CACNA1H: variants seen among roughly 807,000 people sequenced by gnomAD.
CACNA1H encodes the protein voltage-dependent T-type calcium channel subunit alpha-1H.
CACNA1H carries 149 observed loss-of-function variants against 192.5 expected under a neutral mutation model. That is an observed-to-expected ratio of 0.77 (90% CI 0.68 to 0.89). The LOEUF (loss-of-function observed/expected upper bound fraction) is 0.89, where lower values mean the gene tolerates loss of function less well. CACNA1H is among the 40% of genes least tolerant of loss of function. The pLI, the probability that CACNA1H is intolerant of heterozygous loss-of-function variation, is 0.00. For synonymous variants in CACNA1H, 2,202 were observed against 1,475.2 expected (o/e 1.49, Z -11.29); for missense variants, 4,257 against 3,423.5 (o/e 1.24, Z -6.08).
At chr16:1,193,045 C>T (rs1033266271) in intron 2 of CACNA1H, among the ~76,000 whole-genome samples, 6 of 152,160 alleles carry the variant, frequency 3.9e-5, no homozygotes, top group African/African-American at 4.8e-5. Flanking sequence ...TACAAGACCC[C>T]TGGCTCAGCC....
rs951129932 is a variant in CACNA1H, at chr16:1,153,132, G to T, written c.-357G>T. The T allele has an allele frequency of 7.0e-6, 1 of 143,600 alleles. No homozygotes were observed. The highest frequency in any genetic ancestry group is 2.5e-5 in the African/African-American group (1 of 40,066). The allele number at this position is 143,600 out of a possible 1,614,324, so 8.9% of individuals were successfully genotyped here. On this transcript the variant is annotated 5_prime_UTR_variant, in exon 1 of 35. Transcript: ENST00000348261. The stretch of plus-strand genomic sequence containing the variant: ...GCCCGAAGTTTCCTGCGCCGCGCGC[G>T]GACGGGCTCGAGGCTCGCTCGCTGC...
At chr16:1,202,556 G>C in intron 9 of CACNA1H, 104 bp downstream of exon 9, 1 of 1,037,648 alleles carries the variant, frequency 9.6e-7, no homozygotes. Context: ...ACTCTGATGA[G>C]CCCAGCTTTG....
chr16:1,156,769 C>T (rs935422282), intron 2 of CACNA1H, among the ~76,000 whole-genome samples: 3 of 152,064 alleles, frequency 2.0e-5, no homozygotes, highest in African/African-American at 4.8e-5. Context: ...CAGCCTGAGC[C>T]GGGGTTCAGT....
At chr16:1,201,303 C>G (rs141773982) in intron 8 of CACNA1H, among the ~76,000 whole-genome samples, 1 of 152,102 alleles carries the variant, frequency 6.6e-6, no homozygotes, top group Non-Finnish European at 1.5e-5. Context: ...ACTTGCTGCA[C>G]GCTGGTCCAT....
chr16:1,205,151 T>G lies in CACNA1H; in HGVS notation c.2489T>G (p.Ile830Ser). 1 of 1,612,888 alleles carries G rather than the reference T, an allele frequency of 6.2e-7. No homozygotes were observed. Among genetic ancestry groups the G allele is most frequent in the Non-Finnish European group, 8.5e-7 (1 of 1,179,786 alleles). The change falls in exon 11 of 35, where the codon ATC becomes AGC. Residue 830 changes from isoleucine to serine, a missense_variant. Physicochemically the swap from Ile to Ser is moderately radical, Grantham distance 142. Transcript: ENST00000348261. ...ACTAATGCTCTGGAGATCAGCAACATCGTGTTCACCAGCATGTTTGCCCTG... is the reference window on the plus strand; with the variant it reads ...ACTAATGCTCTGGAGATCAGCAACAGCGTGTTCACCAGCATGTTTGCCCTG... ...ELTNALEISNIVFTSMFALEM... is the reference protein window; with the variant it reads ...ELTNALEISNSVFTSMFALEM...
In CACNA1H at chr16:1,207,115, C is replaced by T. The variant is rs760930758; in HGVS notation, c.2904C>T (p.Phe968=). The change falls in exon 13 of 35, where the codon TTC becomes TTT. Residue 968 remains phenylalanine, a synonymous_variant. Transcript: ENST00000348261. ...DSLLWAIVTV[F]QILTQEDWNV... ...TGCTGTGGGCCATCGTCACCGTGTT[C>T]CAGGTAGTGCCCGGGGTCCCCGCAG... is the stretch of plus-strand genomic sequence containing the variant. 3 of 1,585,116 alleles carry T rather than the reference C, an allele frequency of 1.9e-6. No individual in the cohort carries two copies. The Admixed American group carries it at 5.4e-5, about 28-fold the overall frequency.
rs367605935 is a variant in CACNA1H, at chr16:1,217,911, C to T, written c.5324-8C>T. 6 of 1,596,734 alleles carry T rather than the reference C, an allele frequency of 3.8e-6. No homozygotes were observed. Among genetic ancestry groups the T allele is most frequent in the Middle Eastern group, 1.7e-4 (1 of 6,050 alleles). The stretch of plus-strand genomic sequence containing the variant: ...TCGGCTGACCGGGCGGGGTCTCCCT[C>T]CCCGCAGAGTGCAGTGAAGACAACC... On this transcript the variant is annotated splice_region_variant and splice_polypyrimidine_tract_variant and intron_variant, in intron 31 of 34. Coordinates refer to ENST00000348261, the MANE Select transcript of CACNA1H (RefSeq NM_021098.3).
At chr16:1,171,805 A>C (rs1467342707) in intron 2 of CACNA1H, among the ~76,000 whole-genome samples, 3 of 152,036 alleles carry the variant, frequency 2.0e-5, no homozygotes, top group Admixed American at 2.0e-4. Flanking sequence ...CACTACCCCC[A>C]ACTCGGCTCC....
chr16:1,187,682 A>G (rs1966208945), intron 2 of CACNA1H, among the ~76,000 whole-genome samples: 1 of 152,182 alleles, frequency 6.6e-6, no homozygotes, highest in Non-Finnish European at 1.5e-5. Context: ...CCTGGAGGCC[A>G]CAGCCCTGCT....
At chr16:1,203,956 C>A in intron 9 of CACNA1H, 54 bp from the exon 10 acceptor site, 8 of 1,362,562 alleles carry the variant, frequency 5.9e-6, no homozygotes, top group Non-Finnish European at 7.9e-6. Flanking sequence ...GTTCCCGGGC[C>A]CTTGTGGCAG....
Position 1,158,310 on chromosome 16 carries a change from G to A in CACNA1H, c.299+4274G>A, listed in dbSNP as rs116618035. 5.0e-3 allele frequency among the ~76,000 whole-genome samples: 765 copies of A among 152,276 alleles called. 6 individuals carry two copies. The highest frequency in any genetic ancestry group is 0.017 in the African/African-American group (722 of 41,540). On this transcript the variant is annotated intron_variant, in intron 2 of 34. Coordinates refer to ENST00000348261, the MANE Select transcript of CACNA1H (RefSeq NM_021098.3). ...TTCCCACTCACCAAGAGCTGGGGGA[G>A]CCGTGGGGGCAGCTCATCCTTCCTG...
chr16:1,200,668 G>A, intron 7 of CACNA1H, 48 bp from the exon 8 acceptor site: 2 of 1,575,758 alleles, frequency 1.3e-6, no homozygotes, highest in Non-Finnish European at 1.7e-6. Context: ...GGCACGGGGA[G>A]GAGGAGGAGG....
intron 30 of CACNA1H, 116 bp downstream of exon 30, chr16:1,215,709 G>A (rs1969969572): frequency 1.2e-6 from 1 of 848,860 alleles, no homozygotes; most frequent in Admixed American, 2.1e-5. Flanking sequence ...GTTGTGTGGT[G>A]GCTGAAGCTG....
At position 1,211,514 on chromosome 16, in the gene CACNA1H, C is replaced by A. The variant is rs971338394; in HGVS notation, c.4384C>A (p.Pro1462Thr). 13 of 1,612,508 alleles carry A rather than the reference C, an allele frequency of 8.1e-6. No individual in the cohort carries two copies. The highest frequency in any genetic ancestry group is 1.7e-5 in the Admixed American group (1 of 60,030). The change falls in exon 23 of 35, where the codon CCC becomes ACC. Residue 1462 changes from proline to threonine, a missense_variant. Pro to Thr is a conservative substitution (Grantham distance 38). Coordinates refer to ENST00000348261, the MANE Select transcript of CACNA1H (RefSeq NM_021098.3). ...AGGGAAGTTCTACTACTGCGAGGGCCCCGACACCAGGAACATCTCCACCAA... is the reference window on the plus strand; with the variant it reads ...AGGGAAGTTCTACTACTGCGAGGGCACCGACACCAGGAACATCTCCACCAA... ...FKGKFYYCEG[P>T]DTRNISTKAQ... is the part of the protein sequence containing the mutation.
At chr16:1,186,407 G>A (rs1036286773) in intron 2 of CACNA1H, among the ~76,000 whole-genome samples, 8 of 152,070 alleles carry the variant, frequency 5.3e-5, no homozygotes, top group Admixed American at 1.3e-4. Flanking sequence ...CACACGCAGG[G>A]CCTGGATTCG....
In CACNA1H at chr16:1,181,204, C is replaced by T. The variant is rs563337293; in HGVS notation, c.300-13768C>T. Among the ~76,000 whole-genome samples, 60 of 152,374 alleles carry T rather than the reference C, an allele frequency of 3.9e-4. No individual in the cohort carries two copies. In the Middle Eastern group the frequency reaches 0.01, roughly 26 times the overall value. ...GCTGCCCACGCCTTTCCCTTCCAAG[C>T]CTGGGGGCCCGCAGCACCCTCATAT... On this transcript the variant is annotated intron_variant, in intron 2 of 34. Coordinates refer to ENST00000348261, the MANE Select transcript of CACNA1H (RefSeq NM_021098.3).
chr16:1,180,925 C>T lies in CACNA1H; in HGVS notation c.300-14047C>T, dbSNP rs937967043. Among the ~76,000 whole-genome samples, 20 of 152,224 alleles carry T rather than the reference C, an allele frequency of 1.3e-4. No individual in the cohort carries two copies. Among genetic ancestry groups the T allele is most frequent in the African/African-American group, 2.4e-4 (10 of 41,468 alleles). On this transcript the variant is annotated intron_variant, in intron 2 of 34. Transcript: ENST00000348261. This position sits in a 1 kb window ranked among gnomAD's most constrained non-coding sequence, Gnocchi z 4.4. ...TTGGCAGGGGCTCACCCCGTCTTCC[C>T]GCAGGAAAGCGCCTTGGCGGGACTG... is the stretch of plus-strand genomic sequence containing the variant.
At chr16:1,192,563 T>A (rs1001799068) in intron 2 of CACNA1H, among the ~76,000 whole-genome samples, 1 of 152,248 alleles carries the variant, frequency 6.6e-6, no homozygotes, top group Admixed American at 6.5e-5. Context: ...GGCCATGCCG[T>A]AGCTTTAGCT....
rs530929926 is a variant in CACNA1H at position 1,196,848 on chromosome 16, C to A, written c.643+825C>A. Among the ~76,000 whole-genome samples the A allele has an allele frequency of 2.0e-5, 3 of 152,274 alleles. No homozygotes were observed. In the East Asian group the frequency reaches 5.8e-4, roughly 29 times the overall value. ...GGGATCGTTCTTTAAGCACTCAGGG[C>A]TACATTCAACTGCTCTGGTTCCTGG... On this transcript the variant is annotated intron_variant, in intron 5 of 34. Coordinates refer to ENST00000348261, the MANE Select transcript of CACNA1H (RefSeq NM_021098.3).
Sources: gnomAD v4.1 joint callset for allele counts (sites outside exome capture counted in the v4.1 genomes callset) on GRCh38, gnomAD v4.1.1 for gene constraint, Gnocchi (gnomAD v3.1) non-coding constraint, MANE v1.5 for transcripts, NCBI Gene and HGNC (gene_info 2026-07-23, HGNC 2026-07-21) for gene names.